Variants in USP30 observed in about 807,000 individuals in gnomAD.
USP30 encodes the protein ubiquitin carboxyl-terminal hydrolase 30.
A neutral mutation model predicts 68.2 loss-of-function variants in USP30; 41 were observed. The ratio of observed to expected loss-of-function variants is 0.60; its 90% CI spans 0.47 to 0.78. The LOEUF is 0.78. Ranked by LOEUF, USP30 falls within the 30% of genes least tolerant of loss-of-function variation. The pLI is 0.00. For synonymous variants in USP30, 229 were observed against 253.7 expected, an observed-to-expected ratio of 0.90 and a Z score of 0.93; for missense variants, 522 against 649.4, an observed-to-expected ratio of 0.80 and a Z score of 2.13.
intron 3 of USP30, among the ~76,000 whole-genome samples, chr12:109,030,807 G>T (rs1364176154): frequency 1.3e-5 from 2 of 152,060 alleles, no homozygotes; most frequent in Admixed American, 1.3e-4. Context: ...GTAGAGAGAG[G>T]GTTTCACCAT....
chr12:109,088,016 G>GA lies in USP30; in HGVS notation c.*2092dup, dbSNP rs1460016140. 2 of 504,504 alleles carry GA rather than the reference G, an allele frequency of 4.0e-6. No individual in the cohort carries two copies. The highest frequency in any genetic ancestry group is 3.2e-5 in the East Asian group (1 of 31,060). 31.3% of individuals were successfully genotyped at this position (504,504 alleles called of 1,614,324 possible). A position where few individuals can be genotyped will look rare whatever the true frequency, so the allele number is the denominator to read the frequency against. ...TAGCAATAAAATAATCATTTTGTTA[G>GA]AAAAAAATCACCTGGTGTTCTTTTG... is the stretch of plus-strand genomic sequence containing the variant. On this transcript the variant is annotated 3_prime_UTR_variant, in exon 13 of 13. Coordinates refer to ENST00000257548, the MANE Select transcript of USP30 (RefSeq NM_032663.5). This position sits in a 1 kb window ranked among gnomAD's most constrained non-coding sequence, Gnocchi z 4.2.
chr12:109,036,512 G>A (rs1207592367), intron 3 of USP30, among the ~76,000 whole-genome samples: 1 of 151,924 alleles, frequency 6.6e-6, no homozygotes, highest in Non-Finnish European at 1.5e-5. Flanking sequence ...TGGCCTGGCA[G>A]GTCTCAAACT....
Position 109,056,836 on chromosome 12 carries a change from A to G in USP30, c.193+45A>G, listed in dbSNP as rs1566086439. 5 of 1,364,874 alleles carry G rather than the reference A, an allele frequency of 3.7e-6. No individual in the cohort carries two copies. The Admixed American group carries it at 1.1e-4, about 30-fold the overall frequency. The allele number at this position is 1,364,874 out of a possible 1,614,324, so 84.5% of individuals were successfully genotyped here. A position where few individuals can be genotyped will look rare whatever the true frequency, so the allele number is the denominator to read the frequency against. On this transcript the variant is annotated intron_variant, in intron 2 of 12. Transcript: ENST00000257548. ...ATCATGGTCTGTAGACTTGACCCAGATCCCTGTTATCTGAAAACAGTACAA... is the reference window on the plus strand; with the variant it reads ...ATCATGGTCTGTAGACTTGACCCAGGTCCCTGTTATCTGAAAACAGTACAA...
intron 6 of USP30, among the ~76,000 whole-genome samples, chr12:109,072,818 T>C (rs2041486676): frequency 6.6e-6 from 1 of 152,250 alleles, no homozygotes; most frequent in Non-Finnish European, 1.5e-5. Context: ...GGCATTGCAT[T>C]ATCTCATTTA....
At chr12:109,033,350 G>T (rs1166825813) in intron 3 of USP30, among the ~76,000 whole-genome samples, 1 of 152,194 alleles carries the variant, frequency 6.6e-6, no homozygotes, top group African/African-American at 2.4e-5. Context: ...AAAGTTCATT[G>T]GCACTGGTAA....
chr12:109,023,685 G>A (rs1021682359), intron 1 of USP30, among the ~76,000 whole-genome samples: 2 of 139,154 alleles, frequency 1.4e-5, no homozygotes, highest in Non-Finnish European at 3.0e-5. Context: ...CCAGGCTGGA[G>A]TGCAATGGCG....
intron 3 of USP30, among the ~76,000 whole-genome samples, chr12:109,035,586 T>A (rs1053789163): frequency 1.3e-5 from 2 of 152,112 alleles, no homozygotes; most frequent in Non-Finnish European, 2.9e-5. Flanking sequence ...ATGGTCTTGA[T>A]CTCTTGGCCT....
chr12:109,057,026 A>G (rs956544775), intron 2 of USP30, among the ~76,000 whole-genome samples: 1 of 152,202 alleles, frequency 6.6e-6, no homozygotes, highest in African/African-American at 2.4e-5. Flanking sequence ...CTTTGTAATG[A>G]AAAATGTCAA....
chr12:109,066,247 C>CAAAAAAA (rs35466141), intron 3 of USP30, among the ~76,000 whole-genome samples: 1 of 96,042 alleles, frequency 1.0e-5, no homozygotes. Flanking sequence ...GACCCTGTCT[C>CAAAAAAA]AAAAAAAAAA....
chr12:109,052,918 A>G, intron 1 of USP30, 157 bp downstream of exon 1: 1 of 684,982 alleles, frequency 1.5e-6, no homozygotes, highest in East Asian at 3.4e-5. Flanking sequence ...CTGGGCCCGT[A>G]GGTGGGAGGA....
intron 5 of USP30, among the ~76,000 whole-genome samples, chr12:109,072,005 G>A (rs1317680361): frequency 6.6e-6 from 1 of 152,200 alleles, no homozygotes; most frequent in Non-Finnish European, 1.5e-5. Context: ...GGAATGCTAA[G>A]TGAGCCCTCA....
chr12:109,045,107 T>C (rs1005942067), intron 3 of USP30, among the ~76,000 whole-genome samples: 2 of 150,626 alleles, frequency 1.3e-5, no homozygotes, highest in Non-Finnish European at 2.9e-5. Context: ...GCCTCCTGAG[T>C]AGCTGGGATT....
At chr12:109,069,036 A>T (rs1376641413) in intron 4 of USP30, among the ~76,000 whole-genome samples, 1 of 152,248 alleles carries the variant, frequency 6.6e-6, no homozygotes, top group Non-Finnish European at 1.5e-5. Flanking sequence ...TAACCATGTA[A>T]GGAATTACTG....
chr12:109,046,492 T>C (rs1241337839), intron 3 of USP30, among the ~76,000 whole-genome samples: 3 of 151,974 alleles, frequency 2.0e-5, no homozygotes, highest in African/African-American at 7.3e-5. Flanking sequence ...GGGCAAGCTA[T>C]TTTACTCAAA....
At chr12:109,084,867 G>A in intron 11 of USP30, 86 bp from the exon 12 acceptor site, 1 of 1,383,520 alleles carries the variant, frequency 7.2e-7, no homozygotes, top group Non-Finnish European at 9.6e-7. Context: ...GCATTATGGG[G>A]AGTTAACTTT....
At chr12:109,051,413 C>T (rs1357770343), upstream of USP30, among the ~76,000 whole-genome samples, 1 of 151,606 alleles carries the variant, frequency 6.6e-6, no homozygotes, top group Non-Finnish European at 1.5e-5. Context: ...CGCGCCACCA[C>T]ACCTGGCTGA....
intron 2 of USP30, among the ~76,000 whole-genome samples, chr12:109,025,443 A>G (rs2040438279): frequency 6.6e-6 from 1 of 152,074 alleles, no homozygotes; most frequent in Non-Finnish European, 1.5e-5. Flanking sequence ...TTCACCCCCC[A>G]GCCCCCAAAT....
intron 3 of USP30, among the ~76,000 whole-genome samples, chr12:109,034,879 G>A (rs2040508121): frequency 6.6e-6 from 1 of 150,622 alleles, no homozygotes; most frequent in South Asian, 2.1e-4. Flanking sequence ...AAGATTTTTT[G>A]GTTTTGAGTA....
intron 8 of USP30, 164 bp downstream of exon 8, chr12:109,081,557 GA>G: frequency 1.3e-6 from 1 of 762,884 alleles, no homozygotes; most frequent in Admixed American, 2.9e-5. Flanking sequence ...TGGGAGAGAG[GA>G]AAATGAATCG....
Sources: allele counts gnomAD v4.1 joint callset (sites outside exome capture counted in the v4.1 genomes callset), GRCh38; gene constraint gnomAD v4.1.1; non-coding constraint Gnocchi (gnomAD v3.1); transcripts MANE v1.5; gene names NCBI Gene and HGNC (gene_info 2026-07-23, HGNC 2026-07-21).